Variants in TMEM38B observed in about 807,000 individuals in gnomAD.
The protein encoded by TMEM38B is transmembrane protein 38B.
TMEM38B carries 24 observed loss-of-function variants against 28.7 expected under a neutral mutation model. The observed-to-expected ratio is 0.84, with a 90% CI of 0.61 to 1.18. The LOEUF (loss-of-function observed/expected upper bound fraction) is 1.18, where lower values mean the gene tolerates loss of function less well. Among genes scored for constraint, TMEM38B ranks in the 50% most tolerant of loss-of-function variants. The pLI, the probability that TMEM38B is intolerant of heterozygous loss-of-function variation, is 0.00. For missense variants in TMEM38B, 380 were observed against 350.9 expected, an observed-to-expected ratio of 1.08 and a Z score of -0.66; for synonymous variants, 131 against 127.7, an observed-to-expected ratio of 1.03 and a Z score of -0.17.
chr9:105,710,391 A>G (rs1170070265), intron 2 of TMEM38B: 2 of 867,592 alleles, frequency 2.3e-6, no homozygotes, highest in African/African-American at 3.4e-5. Flanking sequence ...GACTGACTTC[A>G]TGATCTCCTT....
chr9:105,766,284 C>A (rs562622587), intron 5 of TMEM38B, among the ~76,000 whole-genome samples: 1 of 152,260 alleles, frequency 6.6e-6, no homozygotes, highest in South Asian at 2.1e-4. Context: ...TTGGTATTAT[C>A]AGTCATTTTA....
chr9:105,702,337 T>G (rs774431896), intron 1 of TMEM38B, among the ~76,000 whole-genome samples: 2 of 152,168 alleles, frequency 1.3e-5, no homozygotes, highest in Non-Finnish European at 2.9e-5. Flanking sequence ...GCTAGAACAT[T>G]CCCATGCTTC....
chr9:105,753,303 G>A lies in TMEM38B; in HGVS notation c.660+5113G>A, dbSNP rs571695642. Among the ~76,000 whole-genome samples, 41 of 152,216 alleles carry A rather than the reference G, an allele frequency of 2.7e-4. 1 individual carries two copies. In the South Asian group the frequency reaches 7.7e-3, roughly 29 times the overall value. ...CAAGACAAGCCAACATTCAAGTTCA[G>A]GAAATCCAGGGAACCCAGTTAGATA... On this transcript the variant is annotated intron_variant, in intron 5 of 5. Transcript: ENST00000374692.
chr9:105,736,046 ATTTTTTTTGT>A (rs1399132251), intron 4 of TMEM38B, among the ~76,000 whole-genome samples: 1 of 136,754 alleles, frequency 7.3e-6, no homozygotes, highest in East Asian at 2.3e-4. Context: ...ACTAAAACAC[ATTTTTTTTGT>A]TTTTTTTTTT....
intron 5 of TMEM38B, chr9:105,760,289 C>T (rs1837993265): frequency 7.7e-6 from 6 of 782,118 alleles, no homozygotes; most frequent in Non-Finnish European, 2.3e-6. Context: ...CTATGCTGTG[C>T]TGAAAAAGTG....
intron 5 of TMEM38B, among the ~76,000 whole-genome samples, chr9:105,764,470 C>G (rs1204160469): frequency 1.3e-5 from 2 of 152,178 alleles, no homozygotes; most frequent in Non-Finnish European, 2.9e-5. Context: ...CATGAGTGAA[C>G]TGCCATTCAC....
chr9:105,754,830 C>T (rs891208603), intron 5 of TMEM38B, among the ~76,000 whole-genome samples: 1 of 152,090 alleles, frequency 6.6e-6, no homozygotes, highest in Admixed American at 6.6e-5. Context: ...ATCAACAAAT[C>T]CATGAGCTGG....
intron 4 of TMEM38B, among the ~76,000 whole-genome samples, chr9:105,733,496 A>G (rs1308735243): frequency 1.3e-5 from 2 of 148,370 alleles, no homozygotes; most frequent in East Asian, 4.0e-4. Flanking sequence ...TGTGTTAGGC[A>G]TATTCCCTCT....
At chr9:105,746,791 C>T (rs1023384497) in intron 4 of TMEM38B, among the ~76,000 whole-genome samples, 13 of 152,236 alleles carry the variant, frequency 8.5e-5, no homozygotes, top group African/African-American at 2.2e-4. Flanking sequence ...GCATGAAGGG[C>T]TGTTGAATTT....
intron 5 of TMEM38B, among the ~76,000 whole-genome samples, chr9:105,754,417 T>G (rs529617475): frequency 2.0e-5 from 3 of 152,174 alleles, no homozygotes; most frequent in Admixed American, 2.0e-4. Flanking sequence ...GTAAAAGAAC[T>G]GAAATAATAA....
At chr9:105,701,750 C>T (rs997616160) in intron 1 of TMEM38B, 3 of 152,132 alleles carry the variant, frequency 2.0e-5, no homozygotes, top group African/African-American at 7.2e-5. Context: ...AGAGGAATAC[C>T]TAGGGGCTTC....
At chr9:105,740,354 C>T (rs1837155663) in intron 4 of TMEM38B, among the ~76,000 whole-genome samples, 1 of 150,080 alleles carries the variant, frequency 6.7e-6, no homozygotes, top group Non-Finnish European at 1.5e-5. Context: ...TCCCTGTCGT[C>T]CTCCCAGGCT....
At chr9:105,711,534 C>CGTTA (rs112653515) in intron 2 of TMEM38B, among the ~76,000 whole-genome samples, 248 of 151,734 alleles carry the variant, frequency 1.6e-3, no homozygotes, top group African/African-American at 5.7e-3. Flanking sequence ...ATCCTTGTAA[C>CGTTA]CACTACCCAA....
At position 105,743,651 on chromosome 9, in the gene TMEM38B, G is replaced by C. The variant is rs539764995; in HGVS notation, c.543-4422G>C. 2.6e-5 allele frequency among the ~76,000 whole-genome samples: 4 copies of C among 152,230 alleles called. No homozygotes were observed. In the South Asian group the frequency reaches 6.2e-4, roughly 24 times the overall value. On this transcript the variant is annotated intron_variant, in intron 4 of 5. Coordinates refer to ENST00000374692, the MANE Select transcript of TMEM38B (RefSeq NM_018112.3). ...GCTGTCCTGGAGTTAGCTAAATGAT[G>C]GGCTGCAGATGGCTTTTATTGTTTT...
intron 5 of TMEM38B, among the ~76,000 whole-genome samples, chr9:105,750,915 C>T (rs7019842): frequency 0.015 from 2,278 of 152,222 alleles, 63 homozygotes; most frequent in African/African-American, 0.052. Context: ...TTGTGAATTG[C>T]CTTTACAATC....
intron 5 of TMEM38B, among the ~76,000 whole-genome samples, chr9:105,770,592 CAT>C (rs1337187914): frequency 3.3e-5 from 5 of 151,880 alleles, no homozygotes; most frequent in African/African-American, 1.2e-4. Flanking sequence ...TTATTTGAAT[CAT>C]TCATGTTAAT....
chr9:105,729,462 C>T (rs536859011), intron 4 of TMEM38B, among the ~76,000 whole-genome samples: 3 of 152,154 alleles, frequency 2.0e-5, no homozygotes, highest in Non-Finnish European at 4.4e-5. Flanking sequence ...GTACCAGTAC[C>T]ATGCTATTTT....
chr9:105,701,022 A>T (rs941445184), intron 1 of TMEM38B: 7 of 152,038 alleles, frequency 4.6e-5, no homozygotes, highest in Non-Finnish European at 8.8e-5. Flanking sequence ...CTGGGCTCTA[A>T]AGAGCTCCTC....
intron 4 of TMEM38B, among the ~76,000 whole-genome samples, chr9:105,733,028 A>G (rs367682729): frequency 2.8e-4 from 42 of 152,054 alleles, no homozygotes; most frequent in African/African-American, 9.2e-4. Context: ...TTCAGTTTCC[A>G]TGTAGTTGTG....
Sources: gnomAD v4.1 joint callset for allele counts (sites outside exome capture counted in the v4.1 genomes callset) on GRCh38, gnomAD v4.1.1 for gene constraint, MANE v1.5 for transcripts, NCBI Gene and HGNC (gene_info 2026-07-23, HGNC 2026-07-21) for gene names.